The following RAB5C variants were observed in gnomAD, a reference collection of about 807,000 sequenced individuals.
The protein encoded by RAB5C is ras-related protein Rab-5C.
A neutral mutation model predicts 25.2 loss-of-function variants in RAB5C; 4 were observed. The ratio of observed to expected loss-of-function variants is 0.16; its 90% CI spans 0.08 to 0.36. The LOEUF (loss-of-function observed/expected upper bound fraction) is 0.36. Ranked by LOEUF, RAB5C falls within the 10% of genes least tolerant of loss-of-function variation. The pLI, the probability that RAB5C is intolerant of heterozygous loss-of-function variation, is 1.00. For synonymous variants in RAB5C, 100 were observed against 106.4 expected, an observed-to-expected ratio of 0.94 and a Z score of 0.37; for missense variants, 199 against 283.8, an observed-to-expected ratio of 0.70 and a Z score of 2.15.
In RAB5C at chr17:42,151,109, G is replaced by A. The variant is rs147885863; in HGVS notation, c.-89+3784C>T. The stretch of plus-strand genomic sequence containing the variant: ...TCTGAAGTTCTAGTGCCTTCCACCC[G>A]ACCACACTGCCTGTTTACTGGGCAA... On this transcript the variant is annotated intron_variant, in intron 1 of 5. Coordinates refer to ENST00000346213, the MANE Select transcript of RAB5C (RefSeq NM_004583.4). Among the ~76,000 whole-genome samples, 70 of 152,200 alleles carry A rather than the reference G, an allele frequency of 4.6e-4. No homozygotes were observed. The East Asian group carries it at 0.011, about 24-fold the overall frequency.
chr17:42,144,872 A>T (rs1381257196), intron 1 of RAB5C, among the ~76,000 whole-genome samples: 1 of 135,976 alleles, frequency 7.4e-6, no homozygotes, highest in Non-Finnish European at 1.6e-5. Flanking sequence ...GCTTGCAGTG[A>T]GCCGAGATTG....
At chr17:42,147,147 AG>A (rs1230623825) in intron 1 of RAB5C, among the ~76,000 whole-genome samples, 2 of 65,184 alleles carry the variant, frequency 3.1e-5, no homozygotes, top group South Asian at 4.4e-4. Context: ...AGAAAGAAAG[AG>A]AGAGAGAGAG....
At chr17:42,125,975 C>T in intron 5 of RAB5C, 77 bp from the exon 6 acceptor site, 1 of 1,070,594 alleles carries the variant, frequency 9.3e-7, no homozygotes. Context: ...CAGATTCTGG[C>T]CTTTATACCC....
chr17:42,131,937 C>G (rs2054490612), intron 1 of RAB5C: 2 of 226,514 alleles, frequency 8.8e-6, no homozygotes, highest in Non-Finnish European at 1.8e-5. Flanking sequence ...AAGTACTGAA[C>G]ACTGTTCAGC....
chr17:42,126,999 C>A, intron 4 of RAB5C, 151 bp from the exon 5 acceptor site: 1 of 490,250 alleles, frequency 2.0e-6, no homozygotes, highest in Non-Finnish European at 3.8e-6. Context: ...TAAGGCTGCC[C>A]TGATCTGGGT....
intron 1 of RAB5C, among the ~76,000 whole-genome samples, chr17:42,149,895 T>C (rs2079659086): frequency 6.6e-6 from 1 of 150,776 alleles, no homozygotes; most frequent in Non-Finnish European, 1.5e-5. Context: ...TTTTTTTTTT[T>C]TGAGATAGAC....
intron 1 of RAB5C, among the ~76,000 whole-genome samples, chr17:42,141,998 C>T (rs994406336): frequency 2.0e-5 from 3 of 151,988 alleles, no homozygotes; most frequent in African/African-American, 7.3e-5. Context: ...CTGAAGAGGA[C>T]GTCTTTCCTC....
intron 1 of RAB5C, among the ~76,000 whole-genome samples, chr17:42,152,443 T>C (rs2079677880): frequency 6.6e-6 from 1 of 152,064 alleles, no homozygotes; most frequent in East Asian, 1.9e-4. Flanking sequence ...CCCAAAGCAC[T>C]GGGGCCTGCC....
intron 4 of RAB5C, 33 bp from the exon 5 acceptor site, chr17:42,126,881 G>A: frequency 1.4e-6 from 2 of 1,433,806 alleles, no homozygotes; most frequent in East Asian, 2.3e-5. Flanking sequence ...GAGGTGAGAG[G>A]GAAATGTTGG....
chr17:42,142,807 C>T (rs2079610851), intron 1 of RAB5C, among the ~76,000 whole-genome samples: 1 of 152,190 alleles, frequency 6.6e-6, no homozygotes, highest in Admixed American at 6.5e-5. Context: ...AAAGTGACAG[C>T]CTACCCTGAG....
In RAB5C at chr17:42,130,163, C is replaced by G. The variant is rs892640017; in HGVS notation, c.166+174G>C. ...CTTACTAGCGATGCTTGAGGGGACT[C>G]TGGCATGGAGACCAGTTGCTGGGCT... On this transcript the variant is annotated intron_variant, in intron 2 of 5. Transcript: ENST00000346213. The G allele has an allele frequency of 1.4e-5, 12 of 835,552 alleles. No individual in the cohort carries two copies. The East Asian group carries it at 2.5e-4, about 18-fold the overall frequency. 51.8% of individuals were successfully genotyped at this position (835,552 alleles called of 1,614,324 possible). A position where few individuals can be genotyped will look rare whatever the true frequency, so the allele number is the denominator to read the frequency against.
intron 4 of RAB5C, 61 bp from the exon 5 acceptor site, chr17:42,126,909 G>A (rs1768343291): frequency 5.5e-6 from 6 of 1,090,592 alleles, no homozygotes; most frequent in South Asian, 5.2e-5. Flanking sequence ...CAGGGCCCAG[G>A]GCCCAGGATA....
At chr17:42,129,275 A>G (rs1482654488) in intron 2 of RAB5C, among the ~76,000 whole-genome samples, 1 of 152,150 alleles carries the variant, frequency 6.6e-6, no homozygotes, top group Non-Finnish European at 1.5e-5. Context: ...ATTCTCACAC[A>G]CTTAGCTATG....
Position 42,128,755 on chromosome 17 carries a change from T to G in RAB5C, c.212A>C (p.Lys71Thr). ...TCCAGCTGTGTCCCAGATCTCAAAC[T>G]TGACTGTTGTGTCATCCAGGCAGAC... ...QTVCLDDTTV[K>T]FEIWDTAGQE... The change falls in exon 3 of 6, where the codon AAG becomes ACG. Residue 71 changes from lysine (K) to threonine (T), a missense_variant. Lys to Thr is a moderately conservative substitution (Grantham distance 78). Transcript: ENST00000346213. 6.3e-7 allele frequency: 1 copy of G among 1,584,006 alleles called. No homozygotes were observed. Among genetic ancestry groups the G allele is most frequent in the Non-Finnish European group, 8.6e-7 (1 of 1,165,600 alleles).
At chr17:42,129,205 G>A (rs185176424) in intron 2 of RAB5C, among the ~76,000 whole-genome samples, 291 of 152,194 alleles carry the variant, frequency 1.9e-3, no homozygotes, top group Non-Finnish European at 3.4e-3. Context: ...GCTAGGGACC[G>A]CTCCACCCCT....
intron 1 of RAB5C, among the ~76,000 whole-genome samples, chr17:42,135,587 G>A (rs1220332827): frequency 6.6e-6 from 1 of 152,164 alleles, no homozygotes; most frequent in African/African-American, 2.4e-5. Context: ...CCCCCGATCA[G>A]TGCTGTGCAC....
chr17:42,138,923 A>G (rs1427911290), intron 1 of RAB5C, among the ~76,000 whole-genome samples: 1 of 152,212 alleles, frequency 6.6e-6, no homozygotes, highest in Non-Finnish European at 1.5e-5. Context: ...ACAGATGCCA[A>G]GCTCACTCGG....
intron 1 of RAB5C, among the ~76,000 whole-genome samples, chr17:42,141,794 G>C (rs777940676): frequency 1.3e-5 from 2 of 152,204 alleles, no homozygotes; most frequent in Non-Finnish European, 2.9e-5. Flanking sequence ...GATGATGCAT[G>C]TGAGACTCTC....
chr17:42,133,170 C>A (rs2054503350), intron 1 of RAB5C, among the ~76,000 whole-genome samples: 1 of 152,176 alleles, frequency 6.6e-6, no homozygotes, highest in Non-Finnish European at 1.5e-5. Flanking sequence ...AGAGGGAAAA[C>A]CACAGTGGAA....
Sources: gnomAD v4.1 joint callset for allele counts (sites outside exome capture counted in the v4.1 genomes callset) on GRCh38, gnomAD v4.1.1 for gene constraint, MANE v1.5 for transcripts, NCBI Gene and HGNC (gene_info 2026-07-23, HGNC 2026-07-21) for gene names.